Variants in KLHL18 observed in about 807,000 individuals in gnomAD.
The protein encoded by KLHL18 is kelch like family member 18.
In KLHL18, 38 loss-of-function variants were observed where a neutral mutation model predicts 58.5. The observed-to-expected ratio is 0.65, with a 90% CI of 0.50 to 0.85. The LOEUF is 0.85. KLHL18 is among the 40% of genes least tolerant of loss of function. The pLI, the probability that KLHL18 is intolerant of heterozygous loss-of-function variation, is 0.00. For synonymous variants in KLHL18, 303 were observed against 301.9 expected (o/e 1.00, Z -0.04); for missense variants, 624 against 778.4 (o/e 0.80, Z 2.36).
intron 1 of KLHL18, among the ~76,000 whole-genome samples, chr3:47,303,629 C>T (rs915092277): frequency 6.6e-6 from 1 of 152,230 alleles, no homozygotes; most frequent in African/African-American, 2.4e-5. Flanking sequence ...CGTTCTGTCA[C>T]CTAGGCTGGC....
rs114415749 is a variant in KLHL18, at chr3:47,323,672, G to A, written c.401+964G>A. ...AACCAGCAGAGGCTTGGGGATGTGG[G>A]TTAGTGCTGGGCCACAGACAGGCAG... On this transcript the variant is annotated intron_variant, in intron 3 of 9. Coordinates refer to ENST00000232766, the MANE Select transcript of KLHL18 (RefSeq NM_025010.5). Among the ~76,000 whole-genome samples, 604 of 152,270 alleles carry A rather than the reference G, an allele frequency of 4.0e-3. 4 individuals are homozygous for A. Among genetic ancestry groups the A allele is most frequent in the African/African-American group, 0.014 (574 of 41,550 alleles).
intron 1 of KLHL18, among the ~76,000 whole-genome samples, chr3:47,296,619 T>C (rs1375486876): frequency 6.6e-6 from 1 of 152,162 alleles, no homozygotes; most frequent in African/African-American, 2.4e-5. Context: ...ATATTTACAG[T>C]TCTGAGGGTT....
In KLHL18 at chr3:47,333,220, G is replaced by C; in HGVS notation, c.664G>C (p.Glu222Gln). Residue 222 changes from glutamate (E) to glutamine (Q), a missense_variant, in exon 5 of 10, where the codon GAG becomes CAG. Glu to Gln is a conservative substitution (Grantham distance 29). Transcript: ENST00000232766. ...DREQRGPYLP[E>Q]LLSNIRLPLC... ...GGAGCAGAGGGGTCCCTACCTGCCTGAGCTGCTGTCCAATATCCGCCTGCC... is the reference window on the plus strand; with the variant it reads ...GGAGCAGAGGGGTCCCTACCTGCCTCAGCTGCTGTCCAATATCCGCCTGCC... 6.2e-7 allele frequency: 1 copy of C among 1,614,182 alleles called. No homozygotes were observed.
intron 8 of KLHL18, among the ~76,000 whole-genome samples, chr3:47,341,220 GA>G (rs1285464440): frequency 6.6e-6 from 1 of 152,144 alleles, no homozygotes; most frequent in Non-Finnish European, 1.5e-5. Flanking sequence ...AACACTCTTT[GA>G]AAAACATTGA....
intron 1 of KLHL18, among the ~76,000 whole-genome samples, chr3:47,319,138 A>G (rs937631324): frequency 6.6e-6 from 1 of 152,210 alleles, no homozygotes; most frequent in African/African-American, 2.4e-5. Context: ...CTAGCCATAC[A>G]GAGCAGCAGC....
At chr3:47,319,403 G>T (rs17079575) in intron 1 of KLHL18, among the ~76,000 whole-genome samples, 10,726 of 152,162 alleles carry the variant, frequency 0.07, 1,263 homozygotes, top group African/African-American at 0.24. Flanking sequence ...AAATTTTTTA[G>T]CTGTTTTAAC....
rs1704221071 is a variant in KLHL18, at chr3:47,346,097, G to A, written c.*2156G>A. 6.6e-6 allele frequency: 1 copy of A among 152,444 alleles called. No individual in the cohort carries two copies. Among genetic ancestry groups the A allele is most frequent in the African/African-American group, 2.4e-5 (1 of 41,392 alleles). 9.4% of individuals were successfully genotyped at this position (152,444 alleles called of 1,614,324 possible). A position where few individuals can be genotyped will look rare whatever the true frequency, so the allele number is the denominator to read the frequency against. ...ATAAGCCCCTTTCTTTTGTGAATTT[G>A]AAGTAGCACCAACAAGCCTGGATTG... is the stretch of plus-strand genomic sequence containing the variant. On this transcript the variant is annotated 3_prime_UTR_variant, in exon 10 of 10. Coordinates refer to ENST00000232766, the MANE Select transcript of KLHL18 (RefSeq NM_025010.5).
At chr3:47,308,389 TTTTTC>T (rs755602647) in intron 1 of KLHL18, among the ~76,000 whole-genome samples, 10 of 151,958 alleles carry the variant, frequency 6.6e-5, no homozygotes, top group African/African-American at 9.7e-5. Context: ...CAATATGTAG[TTTTTC>T]TTTTCTTTTC....
At chr3:47,312,414 G>C (rs1371058227) in intron 1 of KLHL18, among the ~76,000 whole-genome samples, 5 of 152,148 alleles carry the variant, frequency 3.3e-5, no homozygotes, top group African/African-American at 9.7e-5. Flanking sequence ...TGTGACTAAA[G>C]GTAGAGATGT....
rs1576181538 is a variant in KLHL18 at position 47,334,362 on chromosome 3, G to A, written c.762-321G>A. On this transcript the variant is annotated intron_variant, in intron 5 of 9. Transcript: ENST00000232766. The surrounding 1 kb of genome is among the most constrained non-coding windows in gnomAD (Gnocchi z 4.7). ...CGTAGGGATGGAAAGGAAGGGCTAG[G>A]TCTGAGTGGCAACAGGGTGCATGCT... is the stretch of plus-strand genomic sequence containing the variant. Among the ~76,000 whole-genome samples, 1 of 152,128 alleles carries A rather than the reference G, an allele frequency of 6.6e-6. No homozygotes were observed. Among genetic ancestry groups the A allele is most frequent in the East Asian group, 1.9e-4 (1 of 5,190 alleles).
chr3:47,325,077 C>T (rs943674252), intron 3 of KLHL18, among the ~76,000 whole-genome samples: 1 of 152,186 alleles, frequency 6.6e-6, no homozygotes, highest in African/African-American at 2.4e-5. Context: ...ATTATTGTCT[C>T]TGTTCCTTGG....
rs934888141 is a variant in KLHL18, at chr3:47,334,911, G to C, written c.898+92G>C. 1.7e-5 allele frequency: 22 copies of C among 1,327,612 alleles called. No homozygotes were observed. Among genetic ancestry groups the C allele is most frequent in the Non-Finnish European group, 2.3e-5 (22 of 961,260 alleles). The allele number at this position is 1,327,612 out of a possible 1,614,324, so 82.2% of individuals were successfully genotyped here. On this transcript the variant is annotated intron_variant, in intron 6 of 9. Transcript: ENST00000232766. This position sits in a 1 kb window ranked among gnomAD's most constrained non-coding sequence, Gnocchi z 4.7. ...TTAGCCTGGCCCTTCTGGTTTCTCT[G>C]TTTTGTACTGTCACCACCCTTGCCC... is the stretch of plus-strand genomic sequence containing the variant.
At chr3:47,284,253 TCACACA>T (rs142212788) in intron 1 of KLHL18, among the ~76,000 whole-genome samples, 2 of 148,360 alleles carry the variant, frequency 1.3e-5, no homozygotes, top group African/African-American at 2.5e-5. Context: ...TCTGTCTCTC[TCACACA>T]CACACACACA....
intron 6 of KLHL18, 43 bp from the exon 7 acceptor site, chr3:47,336,492 G>T: frequency 6.6e-7 from 1 of 1,517,212 alleles, no homozygotes. Context: ...CTCTAAACAA[G>T]TGGTCTCATT....
chr3:47,284,100 C>T (rs1292708488), intron 1 of KLHL18, among the ~76,000 whole-genome samples: 1 of 151,854 alleles, frequency 6.6e-6, no homozygotes, highest in African/African-American at 2.4e-5. Flanking sequence ...GGCATGGTAG[C>T]CTGTGCCCGT....
chr3:47,344,818 G>T lies in KLHL18; in HGVS notation c.*877G>T, dbSNP rs1036125452. 1 of 152,598 alleles carries T rather than the reference G, an allele frequency of 6.6e-6. No homozygotes were observed. Among genetic ancestry groups the T allele is most frequent in the Non-Finnish European group, 1.5e-5 (1 of 68,060 alleles). 9.5% of individuals were successfully genotyped at this position (152,598 alleles called of 1,614,324 possible). A position where few individuals can be genotyped will look rare whatever the true frequency, so the allele number is the denominator to read the frequency against. On this transcript the variant is annotated 3_prime_UTR_variant, in exon 10 of 10. Transcript: ENST00000232766. ...GGGTCCTGAGGCCTCGCATTGAGCT[G>T]GGGGTTCCCTCTGAGCCCCAGTGTG...
chr3:47,302,439 C>T (rs944031830), intron 1 of KLHL18, among the ~76,000 whole-genome samples: 1 of 152,150 alleles, frequency 6.6e-6, no homozygotes. Context: ...GAGCCAAGAT[C>T]GCGCCACTGC....
chr3:47,336,929 A>G (rs1704001259), intron 7 of KLHL18, 172 bp downstream of exon 7: 1 of 607,388 alleles, frequency 1.6e-6, no homozygotes, highest in Admixed American at 2.9e-5. Context: ...CATCTGCTTA[A>G]AAGTAAAATA....
chr3:47,293,540 A>G (rs1009560209), intron 1 of KLHL18, among the ~76,000 whole-genome samples: 1 of 152,224 alleles, frequency 6.6e-6, no homozygotes, highest in Non-Finnish European at 1.5e-5. Context: ...GTCACTTAAA[A>G]GGAATTGCCT....
Sources: allele counts gnomAD v4.1 joint callset (sites outside exome capture counted in the v4.1 genomes callset), GRCh38; gene constraint gnomAD v4.1.1; non-coding constraint Gnocchi (gnomAD v3.1); transcripts MANE v1.5; gene names NCBI Gene and HGNC (gene_info 2026-07-23, HGNC 2026-07-21).